The following ANKS1A variants were observed in gnomAD, a reference collection of about 807,000 sequenced individuals.
ANKS1A encodes the protein ankyrin repeat and sterile alpha motif domain containing 1A.
Under a neutral mutation model 120.3 loss-of-function variants are expected in ANKS1A, and 55 were observed. The observed-to-expected ratio is 0.46, with a 90% CI of 0.37 to 0.57. ANKS1A has a LOEUF of 0.57. Among genes scored for constraint, ANKS1A ranks in the 20% least tolerant of loss-of-function variants. The pLI is 0.00. For synonymous variants in ANKS1A, 590 were observed against 604.7 expected (o/e 0.98, Z 0.36); for missense variants, 1,123 against 1,480.3 (o/e 0.76, Z 3.96).
chr6:34,913,685 G>A (rs1405537791), intron 1 of ANKS1A, among the ~76,000 whole-genome samples: 1 of 152,126 alleles, frequency 6.6e-6, no homozygotes, highest in African/African-American at 2.4e-5. Context: ...TGCCCAGGCT[G>A]GAGTACAGTG....
chr6:34,933,047 T>C (rs1384494979), intron 1 of ANKS1A, among the ~76,000 whole-genome samples: 1 of 152,260 alleles, frequency 6.6e-6, no homozygotes. Context: ...TGATTTTTGA[T>C]TTGTCTTTCC....
In ANKS1A at chr6:35,090,334, C is replaced by T; in HGVS notation, c.*1725C>T. On this transcript the variant is annotated 3_prime_UTR_variant, in exon 24 of 24. Coordinates refer to ENST00000360359, the MANE Select transcript of ANKS1A (RefSeq NM_015245.3). ...GCATCCAGAGTAGACTGCGCTGCCA[C>T]TGCGCACATGCTGGTGCCCGTCTTC... 1 of 1,279,668 alleles carries T rather than the reference C, an allele frequency of 7.8e-7. No homozygotes were observed. Among genetic ancestry groups the T allele is most frequent in the Non-Finnish European group, 1.0e-6 (1 of 981,546 alleles). 79.3% of individuals were successfully genotyped at this position (1,279,668 alleles called of 1,614,324 possible).
At chr6:34,922,980 T>C (rs1458452268) in intron 1 of ANKS1A, among the ~76,000 whole-genome samples, 1 of 152,136 alleles carries the variant, frequency 6.6e-6, no homozygotes, top group African/African-American at 2.4e-5. Context: ...TGTGAGCCAC[T>C]GTGCCCAGCC....
chr6:35,050,491 G>A lies in ANKS1A; in HGVS notation c.2011-3608G>A, dbSNP rs1393519659. ...TTCCCCTGAAATGCAGACCATTTCT[G>A]GGAAAGCTGCCTGTTCAGATTTTTT... On this transcript the variant is annotated intron_variant, in intron 11 of 23. Coordinates refer to ENST00000360359, the MANE Select transcript of ANKS1A (RefSeq NM_015245.3). The surrounding 1 kb of genome is among the most constrained non-coding windows in gnomAD (Gnocchi z 4.3). Among the ~76,000 whole-genome samples, 1 of 152,194 alleles carries A rather than the reference G, an allele frequency of 6.6e-6. No homozygotes were observed. Among genetic ancestry groups the A allele is most frequent in the East Asian group, 1.9e-4 (1 of 5,204 alleles).
intron 1 of ANKS1A, among the ~76,000 whole-genome samples, chr6:34,963,179 A>G (rs2127503210): frequency 6.6e-6 from 1 of 152,172 alleles, no homozygotes; most frequent in East Asian, 1.9e-4. Context: ...TTAAGATTAT[A>G]ATACGTTGTT....
intron 1 of ANKS1A, among the ~76,000 whole-genome samples, chr6:34,960,556 A>G (rs1045018512): frequency 6.6e-6 from 1 of 152,156 alleles, no homozygotes; most frequent in Non-Finnish European, 1.5e-5. Flanking sequence ...AATCCAGCAC[A>G]GTGCCCGGCA....
chr6:35,028,927 C>G (rs1774761689), intron 11 of ANKS1A, among the ~76,000 whole-genome samples: 1 of 152,172 alleles, frequency 6.6e-6, no homozygotes, highest in Admixed American at 6.5e-5. Flanking sequence ...TTTCTAGAAA[C>G]TGAACAGCTG....
intron 11 of ANKS1A, among the ~76,000 whole-genome samples, chr6:35,043,029 T>C (rs746765057): frequency 6.6e-6 from 1 of 152,158 alleles, no homozygotes; most frequent in Non-Finnish European, 1.5e-5. Flanking sequence ...CTGCGAGACT[T>C]GGAGGATTCC....
Position 35,086,409 on chromosome 6 carries a change from A to G in ANKS1A, c.3303+473A>G. 1 of 1,266,304 alleles carries G rather than the reference A, an allele frequency of 7.9e-7. No homozygotes were observed. The highest frequency in any genetic ancestry group is 1.0e-6 in the Non-Finnish European group (1 of 967,262). The allele number at this position is 1,266,304 out of a possible 1,614,324, so 78.4% of individuals were successfully genotyped here. ...GCTGTCTTGTGTGTCAGTCTCCCCGAAGTGACCGTGAGCGCTCTTAGCCTC... is the reference window on the plus strand; with the variant it reads ...GCTGTCTTGTGTGTCAGTCTCCCCGGAGTGACCGTGAGCGCTCTTAGCCTC... On this transcript the variant is annotated intron_variant, in intron 22 of 23. Coordinates refer to ENST00000360359, the MANE Select transcript of ANKS1A (RefSeq NM_015245.3). The surrounding 1 kb of genome is among the most constrained non-coding windows in gnomAD (Gnocchi z 5.1).
Position 34,904,550 on chromosome 6 carries a change from G to A in ANKS1A, c.197+14951G>A, listed in dbSNP as rs144724702. On this transcript the variant is annotated intron_variant, in intron 1 of 23. Transcript: ENST00000360359. ...AGATTGAGACCATCCTGGCTAACAT[G>A]GCGAAATCCCGTCTCTACTAAAAAT... 4.6e-4 allele frequency among the ~76,000 whole-genome samples: 70 copies of A among 152,180 alleles called. 1 individual carries two copies. In the East Asian group the frequency reaches 0.014, roughly 29 times the overall value.
At chr6:34,912,530 A>G (rs940991685) in intron 1 of ANKS1A, among the ~76,000 whole-genome samples, 1 of 152,198 alleles carries the variant, frequency 6.6e-6, no homozygotes, top group Non-Finnish European at 1.5e-5. Flanking sequence ...CACTGTTGGG[A>G]TGAGAGAGAG....
Position 35,089,295 on chromosome 6 carries a change from G to C in ANKS1A, c.*686G>C. 1 of 987,764 alleles carries C rather than the reference G, an allele frequency of 1.0e-6. No individual in the cohort carries two copies. Among genetic ancestry groups the C allele is most frequent in the Non-Finnish European group, 1.2e-6 (1 of 831,344 alleles). The allele number at this position is 987,764 out of a possible 1,614,324, so 61.2% of individuals were successfully genotyped here. A position where few individuals can be genotyped will look rare whatever the true frequency, so the allele number is the denominator to read the frequency against. The stretch of plus-strand genomic sequence containing the variant: ...CATTTCTGGGGTTCCCGATGGGAAG[G>C]TTCAGTGGCCAAATGAAGATAAGTG... On this transcript the variant is annotated 3_prime_UTR_variant, in exon 24 of 24. Coordinates refer to ENST00000360359, the MANE Select transcript of ANKS1A (RefSeq NM_015245.3).
intron 1 of ANKS1A, among the ~76,000 whole-genome samples, chr6:34,901,239 T>G (rs562517438): frequency 6.6e-6 from 1 of 151,988 alleles, no homozygotes; most frequent in Non-Finnish European, 1.5e-5. Context: ...TTTTAAACAA[T>G]TCGCTCCCTC....
chr6:35,067,454 T>C (rs1432170052), intron 13 of ANKS1A, among the ~76,000 whole-genome samples: 2 of 152,176 alleles, frequency 1.3e-5, no homozygotes, highest in Non-Finnish European at 2.9e-5. Flanking sequence ...ATAAACCACC[T>C]GTAGTAGCGG....
chr6:34,974,013 T>C (rs1226408990), intron 3 of ANKS1A, among the ~76,000 whole-genome samples: 1 of 41,264 alleles, frequency 2.4e-5, no homozygotes, highest in Non-Finnish European at 4.5e-5. Flanking sequence ...TTCCCCTTCC[T>C]CTTCCCTTTC....
chr6:34,998,032 G>A (rs1772947219), intron 10 of ANKS1A, among the ~76,000 whole-genome samples: 2 of 152,206 alleles, frequency 1.3e-5, no homozygotes, highest in Non-Finnish European at 2.9e-5. Context: ...TTGCTGTTTA[G>A]ATCACTCAAA....
At chr6:34,957,595 T>C (rs1770436459) in intron 1 of ANKS1A, among the ~76,000 whole-genome samples, 3 of 152,200 alleles carry the variant, frequency 2.0e-5, no homozygotes. Flanking sequence ...TGTTTAGACA[T>C]TATGATTTAA....
intron 11 of ANKS1A, chr6:35,039,655 CT>C (rs779971490): frequency 4.4e-6 from 2 of 456,526 alleles, no homozygotes; most frequent in South Asian, 3.1e-5. Flanking sequence ...GCACAGTGCT[CT>C]GCACAGAAGC....
chr6:35,011,851 C>T (rs1225363112), intron 10 of ANKS1A, among the ~76,000 whole-genome samples: 1 of 152,178 alleles, frequency 6.6e-6, no homozygotes, highest in Non-Finnish European at 1.5e-5. Flanking sequence ...CTGAATGCTT[C>T]CCACGGGCCA....
Sources: allele counts gnomAD v4.1 joint callset (sites outside exome capture counted in the v4.1 genomes callset), GRCh38; gene constraint gnomAD v4.1.1; non-coding constraint Gnocchi (gnomAD v3.1); transcripts MANE v1.5; gene names NCBI Gene and HGNC (gene_info 2026-07-23, HGNC 2026-07-21).